The following CEP295 variants were observed in gnomAD, a reference collection of about 807,000 sequenced individuals.
CEP295 encodes centrosomal protein 295.
Under a neutral mutation model 291.6 loss-of-function variants are expected in CEP295, and 190 were observed. The observed-to-expected ratio is 0.65, with a 90% CI of 0.58 to 0.73. The LOEUF is 0.73. Among genes scored for constraint, CEP295 ranks in the 30% least tolerant of loss-of-function variants. The pLI is 0.00. For synonymous variants in CEP295, 993 were observed against 1,038.8 expected (o/e 0.96, Z 0.85); for missense variants, 2,863 against 2,949.4 (o/e 0.97, Z 0.68).
Position 93,721,309 on chromosome 11 carries a change from C to T in CEP295, c.5750-3C>T. ...ATCTTGAACTCCAAAATCCATTTTT[C>T]AGTTAAGCTGAAGGAATCTGTTGTT... is the stretch of plus-strand genomic sequence containing the variant. On this transcript the variant is annotated splice_region_variant and splice_polypyrimidine_tract_variant and intron_variant, in intron 18 of 29. Transcript: ENST00000325212. 2 of 1,540,472 alleles carry T rather than the reference C, an allele frequency of 1.3e-6. No homozygotes were observed. The highest frequency in any genetic ancestry group is 2.7e-5 in the African/African-American group (2 of 72,934).
intron 13 of CEP295, among the ~76,000 whole-genome samples, chr11:93,695,855 A>G (rs1307105596): frequency 2.0e-5 from 3 of 152,166 alleles, no homozygotes; most frequent in Non-Finnish European, 4.4e-5. Flanking sequence ...TACTAAAAAT[A>G]CAAAAATTAG....
intron 5 of CEP295, among the ~76,000 whole-genome samples, chr11:93,675,343 TTTAG>T (rs1950635136): frequency 1.3e-5 from 2 of 152,124 alleles, no homozygotes; most frequent in South Asian, 4.1e-4. Flanking sequence ...ATAAAACACA[TTTAG>T]TTAGCGACAC....
Position 93,687,679 on chromosome 11 carries a change from A to G in CEP295, c.1150A>G (p.Lys384Glu), listed in dbSNP as rs1381514725. Residue 384 changes from lysine to glutamate, a missense_variant, in exon 10 of 30, where the codon AAA becomes GAA. By Grantham distance (56) the Lys-to-Glu change is moderately conservative (BLOSUM62 1). Transcript: ENST00000325212. ...AATGAAGACCCAACAGATTCCTTCA[A>G]AAGTTCTTTTTAAAAAATTATTAAA... ...LVMKTQQIPS[K>E]VLFKKLLNKI... is the part of the protein sequence containing the mutation. 6 of 1,540,626 alleles carry G rather than the reference A, an allele frequency of 3.9e-6. No homozygotes were observed. Among genetic ancestry groups the G allele is most frequent in the African/African-American group, 2.8e-5 (2 of 72,660 alleles).
rs374495051 is a variant in CEP295 at position 93,697,609 on chromosome 11, A to G, written c.2697A>G (p.Leu899=). ...LPLVTPDSSA[L]LPSAKADLGR... ...TGGTAACTCCAGATTCATCTGCTTTATTGCCTTCTGCCAAAGCAGATTTGG... is the reference window on the plus strand; with the variant it reads ...TGGTAACTCCAGATTCATCTGCTTTGTTGCCTTCTGCCAAAGCAGATTTGG... The change falls in exon 15 of 30, where the codon TTA becomes TTG. Residue 899 remains leucine, a synonymous_variant. Coordinates refer to ENST00000325212, the MANE Select transcript of CEP295 (RefSeq NM_033395.2). 1.0e-5 allele frequency: 16 copies of G among 1,551,726 alleles called. No homozygotes were observed. The highest frequency in any genetic ancestry group is 1.3e-5 in the Non-Finnish European group (15 of 1,147,016).
At chr11:93,701,974 C>T (rs1026874989) in intron 15 of CEP295, among the ~76,000 whole-genome samples, 7 of 150,948 alleles carry the variant, frequency 4.6e-5, no homozygotes, top group African/African-American at 1.2e-4. Context: ...TTGTTTGAGA[C>T]GAAATCTTGC....
At chr11:93,696,626 TG>T in intron 14 of CEP295, 55 bp from the exon 15 acceptor site, 2 of 1,429,536 alleles carry the variant, frequency 1.4e-6, no homozygotes, top group Non-Finnish European at 1.9e-6. Flanking sequence ...TGTATAGACA[TG>T]GGGCTTTTTA....
chr11:93,686,333 A>G (rs964833257), intron 9 of CEP295, among the ~76,000 whole-genome samples: 5 of 144,018 alleles, frequency 3.5e-5, no homozygotes, highest in African/African-American at 1.3e-4. Context: ...AAAAAAAAAG[A>G]TATTTTTACT....
intron 9 of CEP295, among the ~76,000 whole-genome samples, chr11:93,687,419 C>CT (rs1340783847): frequency 6.6e-6 from 1 of 152,068 alleles, no homozygotes; most frequent in Non-Finnish European, 1.5e-5. Context: ...TTGGAAAATA[C>CT]TTGAATTTTG....
chr11:93,725,735 A>C lies in CEP295; in HGVS notation c.6403A>C (p.Met2135Leu), dbSNP rs1401312965. 1 of 1,551,716 alleles carries C rather than the reference A, an allele frequency of 6.4e-7. No homozygotes were observed. The highest frequency in any genetic ancestry group is 1.4e-5 in the African/African-American group (1 of 73,076). Residue 2135 changes from methionine to leucine, a missense_variant, in exon 23 of 30, where the codon ATG (methionine) becomes CTG (leucine). Around this residue, in one of 3 missense-constraint regions of CEP295, gnomAD observed 2,295 missense variants for 2,335.7 expected, o/e 0.98. Transcript: ENST00000325212. Reference protein sequence around the residue: ...VYFTALRRTSMHSSLNTSPNQ... With the variant: ...VYFTALRRTSLHSSLNTSPNQ... ...TTTCACAGCACTGAGGAGGACCAGC[A>C]TGCATTCTTCTCTTAACACAAGTCC...
chr11:93,724,993 G>A (rs937693755), intron 22 of CEP295, among the ~76,000 whole-genome samples: 13 of 151,752 alleles, frequency 8.6e-5, no homozygotes, highest in African/African-American at 2.7e-4. Flanking sequence ...GGTGGCTCAT[G>A]CCTGTAATCC....
Position 93,699,189 on chromosome 11 carries a change from A to G in CEP295, c.4277A>G (p.Asn1426Ser), listed in dbSNP as rs1358132504. The G allele has an allele frequency of 6.4e-7, 1 of 1,551,972 alleles. No homozygotes were observed. The highest frequency in any genetic ancestry group is 1.2e-5 in the South Asian group (1 of 84,054). Reference protein sequence around the residue: ...NQEPCSINSDNIVSSGHSEIP... With the variant: ...NQEPCSINSDSIVSSGHSEIP... ...GAACCATGTTCAATTAACAGTGATA[A>G]TATAGTATCCTCAGGTCACTCAGAG... is the stretch of plus-strand genomic sequence containing the variant. The change falls in exon 15 of 30, where the codon AAT (asparagine) becomes AGT (serine). Residue 1426 changes from asparagine (N) to serine (S), a missense_variant. By Grantham distance (46) the Asn-to-Ser change is conservative. Transcript: ENST00000325212.
rs1565429400 is a variant in CEP295, at chr11:93,669,749, T to A, written c.507T>A (p.Pro169=). Residue 169 remains proline, a synonymous_variant, in exon 5 of 30, where the codon CCT becomes CCA. Transcript: ENST00000325212. ...CAGCCAAAATTACAAGTCTGCCACC[T>A]CCTCCTCCAACTCTTTTTGAGGTGA... ...ERSAKITSLP[P]PPPTLFENIE... The A allele has an allele frequency of 6.5e-7, 1 of 1,549,634 alleles. No homozygotes were observed. Among genetic ancestry groups the A allele is most frequent in the Non-Finnish European group, 8.7e-7 (1 of 1,145,308 alleles).
rs763514301 is a variant in CEP295 at position 93,692,024 on chromosome 11, G to C, written c.1527G>C (p.Gln509His). Residue 509 changes from glutamine (Q) to histidine (H), a missense_variant, in exon 12 of 30, where the codon CAG (glutamine) becomes CAC (histidine). Physicochemically the swap from Gln to His is conservative, Grantham distance 24. Around this residue, in one of 3 missense-constraint regions of CEP295, gnomAD observed 14 missense variants for 37.7 expected, o/e 0.37. Transcript: ENST00000325212. ...AAARIRMSAR[Q>H]KQIMEIEEQK... ...CCAGGATTAGAATGTCAGCAAGGCAGAAACAGGTAATTTGAAATTTTATTT... is the reference window on the plus strand; with the variant it reads ...CCAGGATTAGAATGTCAGCAAGGCACAAACAGGTAATTTGAAATTTTATTT... 6.8e-7 allele frequency: 1 copy of C among 1,462,328 alleles called. No individual in the cohort carries two copies. The highest frequency in any genetic ancestry group is 9.3e-7 in the Non-Finnish European group (1 of 1,071,384). 90.6% of individuals were successfully genotyped at this position (1,462,328 alleles called of 1,614,324 possible). A position where few individuals can be genotyped will look rare whatever the true frequency, so the allele number is the denominator to read the frequency against.
At chr11:93,677,904 G>C (rs1463463159) in intron 6 of CEP295, among the ~76,000 whole-genome samples, 1 of 152,058 alleles carries the variant, frequency 6.6e-6, no homozygotes, top group Admixed American at 6.6e-5. Flanking sequence ...CCAGATTTAT[G>C]GTTATGTTTT....
At chr11:93,718,332 C>G (rs1033404304) in intron 18 of CEP295, among the ~76,000 whole-genome samples, 1 of 152,164 alleles carries the variant, frequency 6.6e-6, no homozygotes, top group Admixed American at 6.5e-5. Context: ...TACTGTCTGC[C>G]CTTGTAGGAA....
chr11:93,675,464 T>C, intron 5 of CEP295, 107 bp from the exon 6 acceptor site: 2 of 531,818 alleles, frequency 3.8e-6, no homozygotes, highest in Non-Finnish European at 6.5e-6. Context: ...TAGCATGTTT[T>C]GGATGCGGAG....
chr11:93,687,608 T>C (rs1193471103), intron 9 of CEP295, 36 bp from the exon 10 acceptor site: 3 of 1,169,336 alleles, frequency 2.6e-6, no homozygotes, highest in Non-Finnish European at 3.6e-6. Context: ...ATACAATAGA[T>C]GCTAAATAAG....
Position 93,695,490 on chromosome 11 carries a change from T to C in CEP295, c.1534-7T>C. On this transcript the variant is annotated splice_region_variant and splice_polypyrimidine_tract_variant and intron_variant, in intron 12 of 29. Transcript: ENST00000325212. Reference sequence around the variant, plus strand: ...TGTTAATAGATCAATAGTATTTTGTTACCTAGATAATGGAAATAGAAGAGC... The same window carrying C: ...TGTTAATAGATCAATAGTATTTTGTCACCTAGATAATGGAAATAGAAGAGC... 7.0e-7 allele frequency: 1 copy of C among 1,433,904 alleles called. No individual in the cohort carries two copies. The highest frequency in any genetic ancestry group is 9.1e-7 in the Non-Finnish European group (1 of 1,098,186). The allele number at this position is 1,433,904 out of a possible 1,614,324, so 88.8% of individuals were successfully genotyped here.
chr11:93,697,927 T>C lies in CEP295; in HGVS notation c.3015T>C (p.Thr1005=). Reference sequence around the variant, plus strand: ...TTCAGGTAGCTCAGCATACATTTACTTCACTACCATCTGCTGATACAAAAT... The same window carrying C: ...TTCAGGTAGCTCAGCATACATTTACCTCACTACCATCTGCTGATACAAAAT... ...FPFQVAQHTF[T]SLPSADTKSG... The change falls in exon 15 of 30, where the codon ACT becomes ACC. Residue 1005 remains threonine (T), a synonymous_variant. Transcript: ENST00000325212. 1 of 1,551,690 alleles carries C rather than the reference T, an allele frequency of 6.4e-7. No homozygotes were observed. Among genetic ancestry groups the C allele is most frequent in the Non-Finnish European group, 8.7e-7 (1 of 1,146,966 alleles).
Sources: gnomAD v4.1 joint callset for allele counts (sites outside exome capture counted in the v4.1 genomes callset) on GRCh38, gnomAD v4.1.1 for gene constraint, gnomAD v4.1.1 regional missense constraint, MANE v1.5 for transcripts, NCBI Gene and HGNC (gene_info 2026-07-23, HGNC 2026-07-21) for gene names.